MSRA: variants seen among roughly 807,000 people sequenced by gnomAD.
MSRA encodes methionine sulfoxide reductase A, also known as mitochondrial peptide methionine sulfoxide reductase.
In MSRA, 54 loss-of-function variants were observed where a neutral mutation model predicts 31.3. The ratio of observed to expected loss-of-function variants is 1.73; its 90% CI spans 1.39 to 2.17. The LOEUF (loss-of-function observed/expected upper bound fraction) is 2.17, where lower values mean the gene tolerates loss of function less well. MSRA is among the 30% of genes most tolerant of loss of function. The pLI, the probability that MSRA is intolerant of heterozygous loss-of-function variation, is 0.00. For synonymous variants in MSRA, 169 were observed against 116.5 expected (o/e 1.45, Z -2.90); for missense variants, 507 against 300.9 (o/e 1.69, Z -5.07).
At chr8:10,240,212 C>G (rs1213485483) in intron 2 of MSRA, among the ~76,000 whole-genome samples, 1 of 152,178 alleles carries the variant, frequency 6.6e-6, no homozygotes, top group Non-Finnish European at 1.5e-5. Flanking sequence ...CCTTTGCCAC[C>G]TTATGGTGGG....
At chr8:10,427,728 G>A (rs1563470739) in intron 5 of MSRA, among the ~76,000 whole-genome samples, 1 of 152,120 alleles carries the variant, frequency 6.6e-6, no homozygotes, top group East Asian at 1.9e-4. Context: ...CCCTCCCACT[G>A]TGGCCCTGCT....
At chr8:10,216,930 A>G (rs1810047612) in intron 2 of MSRA, among the ~76,000 whole-genome samples, 1 of 152,222 alleles carries the variant, frequency 6.6e-6, no homozygotes, top group Non-Finnish European at 1.5e-5. Context: ...CAGAGATGGA[A>G]TTGCTGGAGC....
chr8:10,256,378 A>C (rs1365508764), intron 3 of MSRA, among the ~76,000 whole-genome samples: 24 of 152,188 alleles, frequency 1.6e-4, no homozygotes, highest in Non-Finnish European at 1.2e-4. Flanking sequence ...CCTGCCGAAG[A>C]ATATCTTGGA....
chr8:10,369,491 T>C (rs1004720629), intron 5 of MSRA, among the ~76,000 whole-genome samples: 4 of 152,252 alleles, frequency 2.6e-5, no homozygotes, highest in African/African-American at 9.6e-5. Flanking sequence ...AGTTACTGAC[T>C]GTCACACCCA....
In MSRA at chr8:10,428,228, C is replaced by G. The variant is rs1207751134; in HGVS notation, c.624C>G (p.His208Gln). ...GQTFYYAEDYHQQYLSKNPNG... is the reference protein window; with the variant it reads ...GQTFYYAEDYQQQYLSKNPNG... The stretch of plus-strand genomic sequence containing the variant: ...CTTTCTACTATGCGGAAGACTACCA[C>G]CAGCAGTACCTGAGCAAGAACCCCA... The change falls in exon 6 of 6, where the codon CAC becomes CAG. Residue 208 changes from histidine to glutamine, a missense_variant. His to Gln is a conservative substitution (Grantham distance 24). Transcript: ENST00000317173. 6.2e-7 allele frequency: 1 copy of G among 1,614,218 alleles called. No homozygotes were observed.
At chr8:10,400,131 A>C (rs1196065921) in intron 5 of MSRA, among the ~76,000 whole-genome samples, 3 of 152,014 alleles carry the variant, frequency 2.0e-5, no homozygotes, top group African/African-American at 7.3e-5. Flanking sequence ...AGAATCTTTG[A>C]AAAGCTCTAA....
intron 1 of MSRA, among the ~76,000 whole-genome samples, chr8:10,100,866 C>G (rs887536565): frequency 6.6e-6 from 1 of 152,090 alleles, no homozygotes; most frequent in African/African-American, 2.4e-5. Flanking sequence ...TTAGAATACC[C>G]CTTATGTGTG....
chr8:10,284,338 G>A (rs1215916510), intron 3 of MSRA, among the ~76,000 whole-genome samples: 4 of 151,856 alleles, frequency 2.6e-5, no homozygotes, highest in African/African-American at 7.3e-5. Context: ...ATAGGCGCCC[G>A]CCACCACACC....
intron 1 of MSRA, among the ~76,000 whole-genome samples, chr8:10,142,157 C>T (rs1410319587): frequency 6.6e-6 from 1 of 152,122 alleles, no homozygotes; most frequent in African/African-American, 2.4e-5. Context: ...GGGGTTTCTC[C>T]ATGTTGGTCA....
chr8:10,273,872 A>G (rs751242945), intron 3 of MSRA, among the ~76,000 whole-genome samples: 1 of 152,078 alleles, frequency 6.6e-6, no homozygotes, highest in Non-Finnish European at 1.5e-5. Context: ...CAACAGTGGG[A>G]TTTGGCACCT....
chr8:10,208,733 C>G (rs750597595), intron 2 of MSRA, among the ~76,000 whole-genome samples: 2 of 152,168 alleles, frequency 1.3e-5, no homozygotes, highest in Non-Finnish European at 2.9e-5. Context: ...TCCCTTGGTT[C>G]CTTCACCTCC....
chr8:10,312,649 G>A (rs115662818), intron 4 of MSRA, among the ~76,000 whole-genome samples: 87 of 152,232 alleles, frequency 5.7e-4, no homozygotes, highest in African/African-American at 1.9e-3. Flanking sequence ...GAAATCCTAC[G>A]CAAACTATTA....
intron 3 of MSRA, among the ~76,000 whole-genome samples, chr8:10,259,898 C>T (rs1798382552): frequency 6.6e-6 from 1 of 152,218 alleles, no homozygotes; most frequent in South Asian, 2.1e-4. Flanking sequence ...CCCGCCTCAC[C>T]CCCTCTGTAG....
intron 1 of MSRA, among the ~76,000 whole-genome samples, chr8:10,113,811 A>G (rs568160578): frequency 2.6e-5 from 4 of 152,158 alleles, no homozygotes; most frequent in African/African-American, 9.6e-5. Flanking sequence ...AGTGAGATCT[A>G]ATTCACATAC....
At chr8:10,054,843 G>T (rs1278458709) in intron 1 of MSRA, among the ~76,000 whole-genome samples, 185 bp downstream of exon 1, 1 of 152,188 alleles carries the variant, frequency 6.6e-6, no homozygotes, top group African/African-American at 2.4e-5. Context: ...GTCCACTGAC[G>T]TCCCTTTGTC....
chr8:10,102,842 T>C (rs1799627038), intron 1 of MSRA, among the ~76,000 whole-genome samples: 1 of 152,198 alleles, frequency 6.6e-6, no homozygotes, highest in Non-Finnish European at 1.5e-5. Context: ...AAATTCAGGC[T>C]ACCCATAGTT....
chr8:10,172,088 T>A (rs957577338), intron 1 of MSRA, among the ~76,000 whole-genome samples: 6 of 152,208 alleles, frequency 3.9e-5, no homozygotes, highest in African/African-American at 1.4e-4. Flanking sequence ...AGGAGGAGCC[T>A]CCATTGTAGC....
At chr8:10,250,597 C>CCGG (rs2129085951) in intron 3 of MSRA, 1 of 636,656 alleles carries the variant, frequency 1.6e-6, no homozygotes, top group African/African-American at 1.8e-5. Context: ...ACAGAATACT[C>CCGG]CGGTGGATTT....
chr8:10,186,177 C>T (rs373039625), intron 1 of MSRA, among the ~76,000 whole-genome samples: 2 of 152,288 alleles, frequency 1.3e-5, no homozygotes, highest in East Asian at 3.9e-4. Flanking sequence ...ATGTATTCAC[C>T]TCTTCACTGA....
Sources: allele counts gnomAD v4.1 joint callset (sites outside exome capture counted in the v4.1 genomes callset), GRCh38; gene constraint gnomAD v4.1.1; transcripts MANE v1.5; gene names NCBI Gene and HGNC (gene_info 2026-07-23, HGNC 2026-07-21).